Variants in ARHGEF1 observed in about 807,000 individuals in gnomAD.
ARHGEF1 encodes Rho guanine nucleotide exchange factor 1, also known as 115 kDa guanine nucleotide exchange factor.
In ARHGEF1, 40 loss-of-function variants were observed where a neutral mutation model predicts 119.7. The observed-to-expected ratio is 0.33, with a 90% confidence interval of 0.26 to 0.44. The LOEUF is 0.44. ARHGEF1 is among the 20% of genes least tolerant of loss of function. ARHGEF1 has a pLI of 1.00. For synonymous variants in ARHGEF1, 494 were observed against 521.0 expected (o/e 0.95, Z 0.71); for missense variants, 976 against 1,268.3 (o/e 0.77, Z 3.50).
chr19:41,908,138 G>T, downstream of ARHGEF1: 1 of 1,060,868 alleles, frequency 9.4e-7, no homozygotes, highest in Non-Finnish European at 1.2e-6. This position sits in a 1 kb window ranked among gnomAD's most constrained non-coding sequence, Gnocchi z 6.7. Context: ...AGGTGCTGAG[G>T]GCTGGTCCTG....
chr19:41,913,566 C>A (rs188957799), intron 18 of ARHGEF1, among the ~76,000 whole-genome samples: 1 of 151,576 alleles, frequency 6.6e-6, no homozygotes, highest in Admixed American at 6.6e-5. Context: ...CAGGGCAGCC[C>A]CCAGCGCCCT....
At chr19:41,923,069 C>T, upstream of ARHGEF1, 1 of 448,298 alleles carries the variant, frequency 2.2e-6, no homozygotes. Context: ...CCCCCTCTGA[C>T]CCAGGCCTTT....
chr19:41,920,393 C>A (rs1555852364), upstream of ARHGEF1, among the ~76,000 whole-genome samples: 2 of 138,100 alleles, frequency 1.4e-5, no homozygotes. Context: ...CATGACATGC[C>A]CAGATGTGAC....
chr19:41,884,469 T>A lies in ARHGEF1; in HGVS notation c.-20+1180T>A, dbSNP rs201978240. On this transcript the variant is annotated intron_variant, in intron 1 of 28. Transcript: ENST00000354532. ...GAGGCTTCGGTTCCGGTGGCGGCGA[T>A]GGCTTCTCTTTCCACCTGGAGCAGG... The A allele has an allele frequency of 3.9e-5, 62 of 1,607,092 alleles. 1 individual carries two copies. In the South Asian group the frequency reaches 5.6e-4, roughly 15 times the overall value.
At chr19:41,897,289 C>G (rs1555848019) in intron 13 of ARHGEF1, 2 of 1,280,590 alleles carry the variant, frequency 1.6e-6, no homozygotes, top group African/African-American at 1.5e-5. Context: ...GGGCCCACCT[C>G]TGACCCTGTG....
chr19:41,902,939 T>A lies in ARHGEF1; in HGVS notation c.1738+41T>A. Reference sequence around the variant, plus strand: ...ATCTCTGGGCCTCGGCTCTCCTCTTTTTTTTTTACATTTTTTTTCTCACTC... The same window carrying A: ...ATCTCTGGGCCTCGGCTCTCCTCTTATTTTTTTACATTTTTTTTCTCACTC... On this transcript the variant is annotated intron_variant, in intron 18 of 28. Coordinates refer to ENST00000354532, the MANE Select transcript of ARHGEF1 (RefSeq NM_004706.4). The surrounding 1 kb of genome is among the most constrained non-coding windows in gnomAD (Gnocchi z 6.5). 6.7e-7 allele frequency: 1 copy of A among 1,492,718 alleles called. No individual in the cohort carries two copies. Among genetic ancestry groups the A allele is most frequent in the Non-Finnish European group, 9.0e-7 (1 of 1,105,730 alleles). 92.5% of individuals were successfully genotyped at this position (1,492,718 alleles called of 1,614,324 possible).
intron 4 of ARHGEF1, among the ~76,000 whole-genome samples, chr19:41,891,148 A>G (rs556120874): frequency 1.3e-5 from 2 of 152,226 alleles, no homozygotes; most frequent in South Asian, 2.1e-4. Context: ...AGATGGATCA[A>G]CCTACAACAC....
At position 41,906,886 on chromosome 19, in the gene ARHGEF1, T is replaced by C. The variant is rs2074708437; in HGVS notation, c.*17+83T>C. 2 of 1,111,662 alleles carry C rather than the reference T, an allele frequency of 1.8e-6. No individual in the cohort carries two copies. Among genetic ancestry groups the C allele is most frequent in the Non-Finnish European group, 2.5e-6 (2 of 786,992 alleles). 68.9% of individuals were successfully genotyped at this position (1,111,662 alleles called of 1,614,324 possible). ...GCTCGCATCCCTACAGCCCCTTCTGTCCATCTCCCTCTTTGTCTTTTCTGA... is the reference window on the plus strand; with the variant it reads ...GCTCGCATCCCTACAGCCCCTTCTGCCCATCTCCCTCTTTGTCTTTTCTGA... On this transcript the variant is annotated intron_variant, in intron 28 of 28. Transcript: ENST00000354532. This position sits in a 1 kb window ranked among gnomAD's most constrained non-coding sequence, Gnocchi z 4.5.
At chr19:41,927,232 C>T (rs1257416325) in intron 1 of ARHGEF1, among the ~76,000 whole-genome samples, 1 of 152,056 alleles carries the variant, frequency 6.6e-6, no homozygotes, top group Non-Finnish European at 1.5e-5. Flanking sequence ...CAGGGCCCTG[C>T]GACAGTGGTG....
rs1555849444 is a variant in ARHGEF1, at chr19:41,903,342, G to A, written c.1774G>A (p.Ala592Thr). The A allele has an allele frequency of 1.2e-5, 20 of 1,613,942 alleles. No individual in the cohort carries two copies. Among genetic ancestry groups the A allele is most frequent in the Non-Finnish European group, 1.7e-5 (20 of 1,180,026 alleles). The change falls in exon 19 of 29, where the codon GCC becomes ACC. Residue 592 changes from alanine to threonine, a missense_variant. Ala to Thr is a moderately conservative substitution (Grantham distance 58). Around this residue, in one of 3 missense-constraint regions of ARHGEF1, gnomAD observed 286 missense variants for 506.8 expected, o/e 0.56. Coordinates refer to ENST00000354532, the MANE Select transcript of ARHGEF1 (RefSeq NM_004706.4). The surrounding 1 kb of genome is among the most constrained non-coding windows in gnomAD (Gnocchi z 4.2). Reference protein sequence around the residue: ...PTEREKVELAAECCREILHHV... With the variant: ...PTEREKVELATECCREILHHV... ...AGAACGGGAGAAAGTGGAGCTGGCA[G>A]CCGAGTGCTGCCGGGAAATTCTACA...
At chr19:41,925,084 T>A (rs1449757255) in intron 1 of ARHGEF1, among the ~76,000 whole-genome samples, 9 of 152,096 alleles carry the variant, frequency 5.9e-5, no homozygotes, top group Admixed American at 5.9e-4. Flanking sequence ...GGGACAGGGC[T>A]GTTTTCAGGA....
chr19:41,898,106 C>T (rs1021195976), intron 13 of ARHGEF1: 9 of 1,376,314 alleles, frequency 6.5e-6, no homozygotes, highest in Non-Finnish European at 7.5e-6. Flanking sequence ...CCCTGCCCGA[C>T]GAGCCACGTA....
Position 41,906,071 on chromosome 19 carries a change from G to A in ARHGEF1, c.2491+46G>A. On this transcript the variant is annotated intron_variant, in intron 26 of 28. Coordinates refer to ENST00000354532, the MANE Select transcript of ARHGEF1 (RefSeq NM_004706.4). This position sits in a 1 kb window ranked among gnomAD's most constrained non-coding sequence, Gnocchi z 4.5. ...CAGGGTGGCCACCAGCCCAAACAGT[G>A]CCTCTGTTCCAACTAGAACAAGGCT... The A allele has an allele frequency of 6.5e-7, 1 of 1,549,936 alleles. No homozygotes were observed. The highest frequency in any genetic ancestry group is 8.9e-7 in the Non-Finnish European group (1 of 1,124,562).
rs1336177787 is a variant in ARHGEF1 at position 41,917,656 on chromosome 19, G to A, written c.1866-5436G>A. Among the ~76,000 whole-genome samples the A allele has an allele frequency of 6.6e-6, 1 of 151,200 alleles. No homozygotes were observed. Among genetic ancestry groups the A allele is most frequent in the Non-Finnish European group, 1.5e-5 (1 of 67,750 alleles). ...CATGCCCCAAAGCACACGCACGCAC[G>A]CACACACACACCCTGACTGCACCCA... On this transcript the variant is annotated intron_variant, in intron 18 of 20. Coordinates refer to the ARHGEF1 transcript ENST00000599589. The surrounding 1 kb of genome is among the most constrained non-coding windows in gnomAD (Gnocchi z 4.8).
chr19:41,928,113 G>A (rs1555853476), intron 1 of ARHGEF1: 1 of 152,360 alleles, frequency 6.6e-6, no homozygotes, highest in African/African-American at 2.4e-5. Flanking sequence ...CATGGCCCCC[G>A]CGGCGTCCTG....
downstream of ARHGEF1, chr19:41,909,916 A>G (rs1485616783): frequency 6.2e-7 from 1 of 1,613,570 alleles, no homozygotes. This position sits in a 1 kb window ranked among gnomAD's most constrained non-coding sequence, Gnocchi z 5.2. Context: ...ATTTGCGAAT[A>G]CCCCACAGCC....
chr19:41,884,021 A>C (rs1228233592), intron 1 of ARHGEF1, among the ~76,000 whole-genome samples: 3 of 151,820 alleles, frequency 2.0e-5, no homozygotes, highest in Admixed American at 2.0e-4. Context: ...GACGGAGGGG[A>C]TTGATGTACG....
In ARHGEF1 at chr19:41,903,800, C is replaced by G. The variant is rs2074644167; in HGVS notation, c.1917+16C>G. 3 of 1,612,022 alleles carry G rather than the reference C, an allele frequency of 1.9e-6. No individual in the cohort carries two copies. The highest frequency in any genetic ancestry group is 2.5e-6 in the Non-Finnish European group (3 of 1,179,342). On this transcript the variant is annotated intron_variant, in intron 20 of 28. Transcript: ENST00000354532. This position sits in a 1 kb window ranked among gnomAD's most constrained non-coding sequence, Gnocchi z 4.2. ...CGAGTTCAAGGTGTGACCATACCCTCCTGCCTCCCCCGCCCCCCTACTCCT... is the reference window on the plus strand; with the variant it reads ...CGAGTTCAAGGTGTGACCATACCCTGCTGCCTCCCCCGCCCCCCTACTCCT...
At chr19:41,884,479 T>C (rs781791941) in intron 1 of ARHGEF1, 3 of 1,607,630 alleles carry the variant, frequency 1.9e-6, no homozygotes, top group Non-Finnish European at 1.7e-6. Context: ...TGGCTTCTCT[T>C]TCCACCTGGA....
Sources: allele counts gnomAD v4.1 joint callset (sites outside exome capture counted in the v4.1 genomes callset), GRCh38; gene constraint gnomAD v4.1.1; regional missense constraint gnomAD v4.1.1; non-coding constraint Gnocchi (gnomAD v3.1); transcripts MANE v1.5; gene names NCBI Gene and HGNC (gene_info 2026-07-23, HGNC 2026-07-21).